The following ZBTB40 variants were observed in gnomAD, a reference collection of about 807,000 sequenced individuals.
The protein encoded by ZBTB40 is zinc finger and BTB domain containing 40.
Under a neutral mutation model 117.5 loss-of-function variants are expected in ZBTB40, and 60 were observed. The observed-to-expected ratio is 0.51, with a 90% confidence interval of 0.41 to 0.63. The LOEUF is 0.63. Ranked by LOEUF, ZBTB40 falls within the 30% of genes least tolerant of loss-of-function variation. The pLI is 0.00. For missense variants in ZBTB40, 1,287 were observed against 1,498.5 expected (o/e 0.86, Z 2.33); for synonymous variants, 525 against 577.1 (o/e 0.91, Z 1.29).
upstream of ZBTB40, among the ~76,000 whole-genome samples, chr1:22,447,026 C>A (rs1640797385): frequency 6.6e-6 from 1 of 151,598 alleles, no homozygotes. Context: ...TGACTTGTGC[C>A]CAGGAGGTCG....
chr1:22,500,024 A>T (rs1166726614), intron 3 of ZBTB40, among the ~76,000 whole-genome samples: 2 of 152,238 alleles, frequency 1.3e-5, no homozygotes. Context: ...ACACTAAAAA[A>T]CATCAAAGGT....
In ZBTB40 at chr1:22,508,211, C is replaced by T. The variant is rs904027430; in HGVS notation, c.1497+74C>T. ...AGGAAAAAATATGAATACACACACA[C>T]ATTTATATTTTCTGTAAATATACAT... On this transcript the variant is annotated intron_variant, in intron 7 of 17. Transcript: ENST00000375647. The T allele has an allele frequency of 8.0e-6, 12 of 1,495,970 alleles. No individual in the cohort carries two copies. In the African/African-American group the frequency reaches 9.7e-5, roughly 12 times the overall value. The allele number at this position is 1,495,970 out of a possible 1,614,324, so 92.7% of individuals were successfully genotyped here.
rs766757512 is a variant in ZBTB40, at chr1:22,528,088, C to G, written c.*1692C>G. 6.5e-6 allele frequency: 1 copy of G among 152,786 alleles called. No individual in the cohort carries two copies. The highest frequency in any genetic ancestry group is 6.5e-5 in the Admixed American group (1 of 15,290). The allele number at this position is 152,786 out of a possible 1,614,324, so 9.5% of individuals were successfully genotyped here. ...CAAAAACTGACCAGAAGATGGTGCT[C>G]AAACCTTTAAGACTTCATCTCCATG... On this transcript the variant is annotated 3_prime_UTR_variant, in exon 18 of 18. Transcript: ENST00000375647.
At chr1:22,474,447 TAC>T (rs1310666953) in intron 1 of ZBTB40, among the ~76,000 whole-genome samples, 1 of 152,218 alleles carries the variant, frequency 6.6e-6, no homozygotes, top group African/African-American at 2.4e-5. Context: ...TACTAAAAGC[TAC>T]AGTCACCCTT....
intron 3 of ZBTB40, among the ~76,000 whole-genome samples, chr1:22,500,485 A>G (rs1638898978): frequency 6.6e-6 from 1 of 152,248 alleles, no homozygotes; most frequent in Admixed American, 6.5e-5. Flanking sequence ...AAAATAAAAG[A>G]TTGAGACCAG....
chr1:22,519,974 A>T (rs2124469925), intron 13 of ZBTB40, 87 bp from the exon 14 acceptor site: 3 of 1,186,378 alleles, frequency 2.5e-6, no homozygotes, highest in East Asian at 2.3e-5. Flanking sequence ...GTTGCTGTAC[A>T]CAACAACCAG....
rs763778133 is a variant in ZBTB40, at chr1:22,491,470, G to A, written c.768G>A (p.Met256Ile). The A allele has an allele frequency of 3.1e-6, 5 of 1,613,828 alleles. No homozygotes were observed. Among genetic ancestry groups the A allele is most frequent in the African/African-American group, 1.3e-5 (1 of 74,892 alleles). The change falls in exon 3 of 18, where the codon ATG becomes ATA. Residue 256 changes from methionine to isoleucine, a missense_variant. By Grantham distance (10) the Met-to-Ile change is conservative. This residue lies in a region of ZBTB40 where 870 missense variants were observed against 934.4 expected (regional missense o/e 0.93). Transcript: ENST00000375647. ...ENEGVFSDAL[M>I]VTQDVLKKLE... ...AAGGTGTCTTCTCAGATGCACTCAT[G>A]GTTACCCAGGATGTTTTAAAAAAAC...
In ZBTB40 at chr1:22,490,136, C is replaced by CATCTGTG; in HGVS notation, c.189_195dup (p.Val66IlefsTer41). Reference sequence around the variant, plus strand: ...AACACAGATACCATCTCCATCGATGCATCTGTGGTGAGCCCCGAGGAGTTT... The same window carrying CATCTGTG: ...AACACAGATACCATCTCCATCGATGCATCTGTGATCTGTGGTGAGCCCCGAGGAGTTT... On this transcript the variant is annotated frameshift_variant, in exon 2 of 18. Transcript: ENST00000375647. LOFTEE classifies it high-confidence loss of function. The CATCTGTG allele has an allele frequency of 6.2e-7, 1 of 1,614,230 alleles. No individual in the cohort carries two copies.
At chr1:22,431,376 G>GTATATATA (rs1557468696) in intron 1 of ZBTB40, among the ~76,000 whole-genome samples, 1 of 17,770 alleles carries the variant, frequency 5.6e-5, no homozygotes, top group African/African-American at 1.0e-4. Context: ...GTGTGTGTGT[G>GTATATATA]TGTGTGTGTA....
At chr1:22,452,484 A>G (rs1351173610) in intron 1 of ZBTB40, among the ~76,000 whole-genome samples, 2 of 152,230 alleles carry the variant, frequency 1.3e-5, no homozygotes, top group Admixed American at 6.5e-5. Flanking sequence ...CGAAAGTTCT[A>G]TGAAATCAAG....
intron 11 of ZBTB40, 82 bp from the exon 12 acceptor site, chr1:22,512,842 A>G (rs753555677): frequency 2.8e-5 from 42 of 1,512,110 alleles, no homozygotes; most frequent in Admixed American, 3.4e-5. Flanking sequence ...GGGCTGAGAC[A>G]GTGCTCTTGG....
At chr1:22,506,018 C>T in intron 5 of ZBTB40, 31 bp from the exon 6 acceptor site, 1 of 1,613,152 alleles carries the variant, frequency 6.2e-7, no homozygotes, top group East Asian at 2.2e-5. Context: ...TTGCCAGTAA[C>T]TGGTGTCTGG....
At chr1:22,491,261 C>A in intron 2 of ZBTB40, 139 bp from the exon 3 acceptor site, 1 of 843,406 alleles carries the variant, frequency 1.2e-6, no homozygotes, top group South Asian at 1.5e-5. Flanking sequence ...ATACTGTTGT[C>A]TGTTATTCAT....
chr1:22,480,958 C>T (rs1346202729), intron 1 of ZBTB40, among the ~76,000 whole-genome samples: 5 of 152,270 alleles, frequency 3.3e-5, no homozygotes, highest in Admixed American at 2.6e-4. Flanking sequence ...AACTCCCCAC[C>T]TTCTACCTGC....
At position 22,433,645 on chromosome 1, in the gene ZBTB40, A is replaced by C. The variant is rs74354511; in HGVS notation, c.-70+4631A>C. Among the ~76,000 whole-genome samples the C allele has an allele frequency of 1.1e-3, 153 of 143,230 alleles. 4 individuals carry two copies. In the East Asian group the frequency reaches 0.033, roughly 31 times the overall value. 94.0% of individuals were successfully genotyped at this position (143,230 alleles called of 152,430 possible). A position where few individuals can be genotyped will look rare whatever the true frequency, so the allele number is the denominator to read the frequency against. On this transcript the variant is annotated intron_variant, in intron 1 of 8. Transcript: ENST00000650433. ...TATACGGGGGTGGAGGGTTAGTTCT[A>C]GGACTACCCCTGTAGTCCTAGAACT...
In ZBTB40 at chr1:22,433,432, CAAAAAAAAAAAAAAAAAA is replaced by C. The variant is rs767913519; in HGVS notation, c.-70+4426_-70+4443del. Among the ~76,000 whole-genome samples, 27 of 8,764 alleles carry C rather than the reference CAAAAAAAAAAAAAAAAAA, an allele frequency of 3.1e-3. 1 individual carries two copies. Among genetic ancestry groups the C allele is most frequent in the Non-Finnish European group, 6.7e-3 (24 of 3,584 alleles). The allele number at this position is 8,764 out of a possible 152,430, so 5.7% of individuals were successfully genotyped here. ...TGGGCGACAGAGCAAGACGCCCTCT[CAAAAAAAAAAAAAAAAAA>C]AAAAAAAGACAGCTAAAAATATGGT... On this transcript the variant is annotated intron_variant, in intron 1 of 8. Transcript: ENST00000650433.
chr1:22,503,474 C>T (rs1411967964), intron 5 of ZBTB40, among the ~76,000 whole-genome samples: 1 of 151,900 alleles, frequency 6.6e-6, no homozygotes, highest in Non-Finnish European at 1.5e-5. Context: ...TTCCTAAAAC[C>T]GTGGGAAGCG....
chr1:22,480,521 T>C (rs1191407863), intron 1 of ZBTB40, among the ~76,000 whole-genome samples: 1 of 152,100 alleles, frequency 6.6e-6, no homozygotes, highest in Non-Finnish European at 1.5e-5. Context: ...GTTGTCGTTT[T>C]TTGTATTTTT....
At position 22,491,451 on chromosome 1, in the gene ZBTB40, T is replaced by A. The variant is rs1638629381; in HGVS notation, c.749T>A (p.Val250Asp). ...AATTTTCTTCTAGAAAATGAAGGTG[T>A]CTTCTCAGATGCACTCATGGTTACC... is the stretch of plus-strand genomic sequence containing the variant. The part of the protein sequence containing the change: ...QLNFLLENEG[V>D]FSDALMVTQD... The change falls in exon 3 of 18, where the codon GTC becomes GAC. Residue 250 changes from valine to aspartate, a missense_variant. Val to Asp is a radical substitution (Grantham distance 152). Coordinates refer to ENST00000375647, the MANE Select transcript of ZBTB40 (RefSeq NM_014870.4). 1 of 1,614,004 alleles carries A rather than the reference T, an allele frequency of 6.2e-7. No individual in the cohort carries two copies. Among genetic ancestry groups the A allele is most frequent in the Non-Finnish European group, 8.5e-7 (1 of 1,179,928 alleles).
Sources: gnomAD v4.1 joint callset for allele counts (sites outside exome capture counted in the v4.1 genomes callset) on GRCh38, gnomAD v4.1.1 for gene constraint, gnomAD v4.1.1 regional missense constraint, MANE v1.5 for transcripts, NCBI Gene and HGNC (gene_info 2026-07-23, HGNC 2026-07-21) for gene names.